The following TPTE2 variants were observed in gnomAD, a reference collection of about 807,000 sequenced individuals.
TPTE2 encodes phosphatidylinositol 3,4,5-trisphosphate 3-phosphatase TPTE2.
TPTE2 carries 53 observed loss-of-function variants against 78.6 expected under a neutral mutation model. That is an observed-to-expected ratio of 0.67 (90% CI 0.54 to 0.85). The LOEUF is 0.85. TPTE2 is among the 40% of genes least tolerant of loss of function. The probability of loss-of-function intolerance (pLI) is 0.00; values close to 1 mark genes in which losing one functional copy is unlikely to be tolerated. For synonymous variants in TPTE2, 175 were observed against 206.2 expected, an observed-to-expected ratio of 0.85 and a Z score of 1.30; for missense variants, 461 against 623.0, an observed-to-expected ratio of 0.74 and a Z score of 2.77.
intron 10 of TPTE2, among the ~76,000 whole-genome samples, chr13:19,452,944 T>A (rs1878268794): frequency 6.6e-6 from 1 of 151,240 alleles, no homozygotes; most frequent in Non-Finnish European, 1.5e-5. Flanking sequence ...GTCCTGTCCT[T>A]CATATTTTTT....
At chr13:19,424,160 A>G (rs555286341) in intron 19 of TPTE2, among the ~76,000 whole-genome samples, 1 of 152,374 alleles carries the variant, frequency 6.6e-6, no homozygotes, top group East Asian at 1.9e-4. Context: ...TTCATGCCAC[A>G]TATAATCATA....
intron 4 of TPTE2, among the ~76,000 whole-genome samples, chr13:19,476,248 T>A (rs1163183606): frequency 6.6e-6 from 1 of 151,962 alleles, no homozygotes; most frequent in African/African-American, 2.4e-5. Context: ...ACCTGTTTGA[T>A]AGAGCCTCCA....
chr13:19,477,528 C>T (rs1880044595), intron 4 of TPTE2, among the ~76,000 whole-genome samples: 1 of 152,046 alleles, frequency 6.6e-6, no homozygotes, highest in Admixed American at 6.6e-5. Context: ...GATCAATTGG[C>T]CAAAAGAGGT....
the TPTE2 span, among the ~76,000 whole-genome samples, chr13:19,557,725 A>G: frequency 2.4e-4 from 37 of 152,316 alleles, no homozygotes; most frequent in African/African-American, 8.4e-4. Flanking sequence ...CAATGACAGG[A>G]TGGAATATTA....
At chr13:19,478,953 G>A (rs1880144830) in intron 4 of TPTE2, among the ~76,000 whole-genome samples, 1 of 151,986 alleles carries the variant, frequency 6.6e-6, no homozygotes, top group Non-Finnish European at 1.5e-5. Context: ...GGTGGGAATT[G>A]AACAATGAGA....
the TPTE2 span, among the ~76,000 whole-genome samples, chr13:19,543,272 C>G: frequency 3.3e-5 from 5 of 151,742 alleles, no homozygotes; most frequent in Non-Finnish European, 7.4e-5. Flanking sequence ...AGGCTGGTCT[C>G]GAACTCCTGA....
At chr13:19,475,525 C>A in intron 5 of TPTE2, 48 bp downstream of exon 8, 1 of 1,593,612 alleles carries the variant, frequency 6.3e-7, no homozygotes, top group Non-Finnish European at 8.6e-7. Context: ...TGCACCCAGC[C>A]AAGTCTCAGA....
the TPTE2 span, among the ~76,000 whole-genome samples, chr13:19,561,470 C>A: frequency 6.6e-6 from 1 of 152,140 alleles, no homozygotes; most frequent in South Asian, 2.1e-4. Context: ...CGCCTCCCCG[C>A]AAGCCCCGAC....
At chr13:19,508,810 T>C (rs575853249) in intron 1 of TPTE2, among the ~76,000 whole-genome samples, 18 of 152,188 alleles carry the variant, frequency 1.2e-4, no homozygotes, top group South Asian at 2.1e-4. Context: ...TAAATCAGCT[T>C]TAAGTATCTA....
chr13:19,457,395 A>T (rs1445822360), intron 10 of TPTE2, among the ~76,000 whole-genome samples: 1 of 152,206 alleles, frequency 6.6e-6, no homozygotes, highest in Non-Finnish European at 1.5e-5. Flanking sequence ...TCAGTGGTAC[A>T]TGTGGAGGAT....
At chr13:19,561,419 C>T in the TPTE2 span, 2 of 440,478 alleles carry the variant, frequency 4.5e-6, no homozygotes, top group Non-Finnish European at 7.9e-6. Context: ...GCCCCGCCCC[C>T]CAACCTAAGC....
chr13:19,426,682 G>A (rs954284926), intron 17 of TPTE2, among the ~76,000 whole-genome samples, 165 bp from the exon 21 acceptor site: 3 of 152,114 alleles, frequency 2.0e-5, no homozygotes, highest in Non-Finnish European at 2.9e-5. Flanking sequence ...TTGCAATACT[G>A]TTGTTTATGT....
intron 10 of TPTE2, among the ~76,000 whole-genome samples, chr13:19,455,756 A>G (rs936820817): frequency 2.0e-5 from 3 of 152,254 alleles, no homozygotes; most frequent in African/African-American, 4.8e-5. Flanking sequence ...TTGGTTTAAC[A>G]TTTGAAAATC....
the TPTE2 span, chr13:19,560,453 G>A: frequency 6.2e-7 from 1 of 1,607,718 alleles, no homozygotes; most frequent in Non-Finnish European, 8.5e-7. Context: ...TGCAGTGGCA[G>A]TGAGCGCTGG....
intron 9 of TPTE2, among the ~76,000 whole-genome samples, chr13:19,464,755 A>G (rs11839244): frequency 0.013 from 2,053 of 152,346 alleles, 35 homozygotes; most frequent in African/African-American, 0.047. Context: ...ACTGTATGCC[A>G]TGTACTTATG....
chr13:19,555,891 C>A, the TPTE2 span, among the ~76,000 whole-genome samples: 1 of 146,568 alleles, frequency 6.8e-6, no homozygotes, highest in South Asian at 2.2e-4. Flanking sequence ...TGGCTCACTG[C>A]AACCTCCGCC....
chr13:19,450,564 T>C (rs1593362616), intron 11 of TPTE2, among the ~76,000 whole-genome samples: 1 of 152,190 alleles, frequency 6.6e-6, no homozygotes, highest in South Asian at 2.1e-4. Context: ...CTTATTTTTG[T>C]TTAATAGGTA....
upstream of TPTE2, among the ~76,000 whole-genome samples, chr13:19,507,125 C>G (rs767962729): frequency 6.6e-6 from 1 of 152,022 alleles, no homozygotes; most frequent in Non-Finnish European, 1.5e-5. Context: ...CCATTATAGG[C>G]TAGTGATATC....
intron 10 of TPTE2, among the ~76,000 whole-genome samples, chr13:19,460,589 AATCC>A (rs1232492060): frequency 1.1e-4 from 16 of 152,112 alleles, no homozygotes; most frequent in Admixed American, 1.0e-3. Flanking sequence ...TTGACAAAAT[AATCC>A]ATCCATGTTC....
Sources: allele counts gnomAD v4.1 joint callset (sites outside exome capture counted in the v4.1 genomes callset), GRCh38; gene constraint gnomAD v4.1.1; transcripts MANE v1.5; gene names NCBI Gene and HGNC (gene_info 2026-07-23, HGNC 2026-07-21).